AGBL1: variants seen among roughly 807,000 people sequenced by gnomAD.
AGBL1 encodes the protein AGBL carboxypeptidase 1.
In AGBL1, 130 loss-of-function variants were observed where a neutral mutation model predicts 118.9. The observed-to-expected ratio is 1.09, with a 90% CI of 0.95 to 1.26. The LOEUF is 1.26. AGBL1 is among the 50% of genes most tolerant of loss of function. The pLI, the probability that AGBL1 is intolerant of heterozygous loss-of-function variation, is 0.00. For missense variants in AGBL1, 1,584 were observed against 1,298.1 expected (o/e 1.22, Z -3.38); for synonymous variants, 555 against 478.9 (o/e 1.16, Z -2.08).
intron 17 of AGBL1, among the ~76,000 whole-genome samples, chr15:86,347,201 G>T (rs1162530285): frequency 6.6e-6 from 1 of 152,178 alleles, no homozygotes; most frequent in African/African-American, 2.4e-5. Flanking sequence ...TGCCTTAGGA[G>T]AAGTGATCTA....
chr15:86,182,191 G>C (rs1338511635), intron 5 of AGBL1, among the ~76,000 whole-genome samples: 3 of 151,986 alleles, frequency 2.0e-5, no homozygotes, highest in African/African-American at 7.2e-5. Flanking sequence ...GGAGAGAAAG[G>C]CATAAACCAA....
intron 22 of AGBL1, among the ~76,000 whole-genome samples, chr15:86,743,122 C>T (rs1046769528): frequency 2.0e-5 from 3 of 152,060 alleles, no homozygotes; most frequent in African/African-American, 7.2e-5. Flanking sequence ...GAACATATAG[C>T]TCCTCAAGAC....
At chr15:86,270,543 A>G (rs2079143644) in intron 14 of AGBL1, among the ~76,000 whole-genome samples, 1 of 152,210 alleles carries the variant, frequency 6.6e-6, no homozygotes, top group Non-Finnish European at 1.5e-5. Flanking sequence ...GCTGACGAGC[A>G]GGCTGTATTT....
At chr15:86,271,922 A>G (rs1443953724) in intron 15 of AGBL1, among the ~76,000 whole-genome samples, 1 of 152,232 alleles carries the variant, frequency 6.6e-6, no homozygotes, top group African/African-American at 2.4e-5. Context: ...TGATTGGCTG[A>G]AAGAGTTTAT....
chr15:86,702,385 T>C (rs545788786), intron 22 of AGBL1, among the ~76,000 whole-genome samples: 2 of 152,306 alleles, frequency 1.3e-5, no homozygotes, highest in East Asian at 3.9e-4. Flanking sequence ...TTCAGTGTTA[T>C]GTAGTCAGTC....
chr15:86,502,449 G>A (rs999860623), intron 18 of AGBL1, among the ~76,000 whole-genome samples: 1 of 151,206 alleles, frequency 6.6e-6, no homozygotes, highest in Non-Finnish European at 1.5e-5. Flanking sequence ...AATTTCTCTG[G>A]CTAGGATCCA....
At chr15:86,380,476 C>G (rs1390340358) in intron 17 of AGBL1, among the ~76,000 whole-genome samples, 1 of 151,184 alleles carries the variant, frequency 6.6e-6, no homozygotes, top group Non-Finnish European at 1.5e-5. Context: ...TCCTCCCTCC[C>G]TCCCTTCCTT....
intron 24 of AGBL1, among the ~76,000 whole-genome samples, chr15:86,998,563 G>A (rs7168304): frequency 1.3e-5 from 2 of 152,092 alleles, no homozygotes; most frequent in African/African-American, 2.4e-5. Flanking sequence ...CCTAGACTTA[G>A]AGAAATTGAA....
intron 23 of AGBL1, among the ~76,000 whole-genome samples, chr15:86,934,068 C>T (rs945651144): frequency 9.9e-5 from 15 of 152,208 alleles, no homozygotes; most frequent in African/African-American, 3.4e-4. Flanking sequence ...TCAGAGAGCA[C>T]TGGCTTCCTG....
intron 17 of AGBL1, among the ~76,000 whole-genome samples, chr15:86,391,356 A>G (rs566141612): frequency 6.6e-5 from 10 of 152,284 alleles, no homozygotes; most frequent in Admixed American, 5.9e-4. Context: ...AAAACGTAGC[A>G]TGTGTCTTAT....
intron 6 of AGBL1, among the ~76,000 whole-genome samples, chr15:86,239,468 C>A (rs1394823458): frequency 6.6e-6 from 1 of 152,206 alleles, no homozygotes; most frequent in African/African-American, 2.4e-5. Context: ...GCACCAGCCA[C>A]TCCTGCAGCT....
intron 1 of AGBL1, among the ~76,000 whole-genome samples, chr15:86,124,774 T>C (rs1898313123): frequency 6.6e-6 from 1 of 152,160 alleles, no homozygotes; most frequent in African/African-American, 2.4e-5. Context: ...TGCTTGACAA[T>C]TCACCATAGA....
chr15:86,819,748 C>A (rs1028144502), intron 22 of AGBL1, among the ~76,000 whole-genome samples: 1 of 152,128 alleles, frequency 6.6e-6, no homozygotes, highest in African/African-American at 2.4e-5. Context: ...ATGCTATCCC[C>A]ATCAACTACC....
At chr15:86,780,987 T>C (rs952627418) in intron 22 of AGBL1, among the ~76,000 whole-genome samples, 131 of 152,310 alleles carry the variant, frequency 8.6e-4, no homozygotes, top group African/African-American at 3.0e-3. Context: ...TTTTAATTGT[T>C]TGAATTGCTC....
chr15:86,754,164 T>C (rs928285467), intron 22 of AGBL1, among the ~76,000 whole-genome samples: 2 of 152,128 alleles, frequency 1.3e-5, no homozygotes, highest in Admixed American at 6.6e-5. Flanking sequence ...TAAACACTAT[T>C]ATTTTAAAAT....
intron 22 of AGBL1, among the ~76,000 whole-genome samples, chr15:86,772,186 T>C (rs1454666484): frequency 1.3e-5 from 2 of 151,950 alleles, no homozygotes; most frequent in African/African-American, 4.8e-5. Flanking sequence ...TGAAATTAAA[T>C]TGGGGTTGAG....
chr15:86,351,449 C>T (rs913264342), intron 17 of AGBL1, among the ~76,000 whole-genome samples: 1 of 152,128 alleles, frequency 6.6e-6, no homozygotes, highest in Non-Finnish European at 1.5e-5. Flanking sequence ...GAATTTATGT[C>T]AGAAGCCCAC....
intron 18 of AGBL1, among the ~76,000 whole-genome samples, chr15:86,449,129 A>G (rs1055298054): frequency 1.3e-5 from 2 of 152,210 alleles, no homozygotes; most frequent in African/African-American, 4.8e-5. Context: ...TTTCTAAAGC[A>G]AAAGGAAGAA....
intron 22 of AGBL1, among the ~76,000 whole-genome samples, chr15:86,789,607 A>G (rs1278163581): frequency 1.3e-5 from 2 of 152,142 alleles, no homozygotes; most frequent in South Asian, 4.1e-4. Flanking sequence ...TAAAACTGCA[A>G]TCCAGCCCCG....
Sources: gnomAD v4.1 joint callset for allele counts (sites outside exome capture counted in the v4.1 genomes callset) on GRCh38, gnomAD v4.1.1 for gene constraint, MANE v1.5 for transcripts, NCBI Gene and HGNC (gene_info 2026-07-23, HGNC 2026-07-21) for gene names.